KCNQ1: variants seen among roughly 807,000 people sequenced by gnomAD.
KCNQ1 encodes potassium voltage-gated channel subfamily KQT member 1.
In KCNQ1, 49 loss-of-function variants were observed where a neutral mutation model predicts 72.4. The observed-to-expected ratio is 0.68, with a 90% CI of 0.54 to 0.86. The LOEUF (loss-of-function observed/expected upper bound fraction) is 0.86, where lower values mean the gene tolerates loss of function less well. Ranked by LOEUF, KCNQ1 falls within the 40% of genes least tolerant of loss-of-function variation. The pLI is 0.00. For synonymous variants in KCNQ1, 450 were observed against 412.6 expected (o/e 1.09, Z -1.10); for missense variants, 790 against 945.1 (o/e 0.84, Z 2.15).
rs1466261235 is a variant in KCNQ1, at chr11:2,652,382, T to A, written c.1394-9579T>A. 1 of 398,546 alleles carries A rather than the reference T, an allele frequency of 2.5e-6. No individual in the cohort carries two copies. Among genetic ancestry groups the A allele is most frequent in the East Asian group, 3.6e-5 (1 of 28,092 alleles). 24.7% of individuals were successfully genotyped at this position (398,546 alleles called of 1,614,324 possible). On this transcript the variant is annotated intron_variant, in intron 10 of 15. Transcript: ENST00000155840. The surrounding 1 kb of genome is among the most constrained non-coding windows in gnomAD (Gnocchi z 5.9). ...TGAAGGTGAAAAGATCGCTCTTAAT[T>A]AGATTAAAAACATTTTTTTCTTCCT...
chr11:2,602,644 T>C lies in KCNQ1; in HGVS notation c.1393+13790T>C, dbSNP rs1351189606. On this transcript the variant is annotated intron_variant, in intron 10 of 15. Transcript: ENST00000155840. The surrounding 1 kb of genome is among the most constrained non-coding windows in gnomAD (Gnocchi z 4.8). ...CAGATAGGTGTGTAGTGAGATCTCATTGTGGTTTACATTTACATTTCCTCA... is the reference window on the plus strand; with the variant it reads ...CAGATAGGTGTGTAGTGAGATCTCACTGTGGTTTACATTTACATTTCCTCA... 2.0e-5 allele frequency among the ~76,000 whole-genome samples: 3 copies of C among 152,240 alleles called. No individual in the cohort carries two copies. Among genetic ancestry groups the C allele is most frequent in the Admixed American group, 6.5e-5 (1 of 15,292 alleles).
intron 15 of KCNQ1, among the ~76,000 whole-genome samples, chr11:2,798,782 G>A (rs576632822): frequency 5.9e-5 from 9 of 152,288 alleles, no homozygotes; most frequent in Non-Finnish European, 7.3e-5. Flanking sequence ...TAACTTAATC[G>A]TAGCAGAGAA....
In KCNQ1 at chr11:2,746,660, C is replaced by T. The variant is rs368743742; in HGVS notation, c.1515-22184C>T. ...GCACAGAGGGAAATGCCCTTCTCAT[C>T]GCCCTGTTCCGAGGGCCCATCCTGT... On this transcript the variant is annotated intron_variant, in intron 11 of 15. Transcript: ENST00000155840. This position sits in a 1 kb window ranked among gnomAD's most constrained non-coding sequence, Gnocchi z 5.9. Among the ~76,000 whole-genome samples, 41 of 152,332 alleles carry T rather than the reference C, an allele frequency of 2.7e-4. No individual in the cohort carries two copies. The highest frequency in any genetic ancestry group is 1.0e-3 in the Admixed American group (16 of 15,312).
rs1225142727 is a variant in KCNQ1 at position 2,564,748 on chromosome 11, C to A, written c.478-5880C>A. On this transcript the variant is annotated intron_variant, in intron 2 of 15. Transcript: ENST00000155840. This position sits in a 1 kb window ranked among gnomAD's most constrained non-coding sequence, Gnocchi z 4.5. ...CATTAAACACTCACTCCCTACTCCC[C>A]CTTCCCCAGCCCCTGGCGCCCATCA... is the stretch of plus-strand genomic sequence containing the variant. Among the ~76,000 whole-genome samples the A allele has an allele frequency of 6.6e-6, 1 of 152,248 alleles. No individual in the cohort carries two copies. Among genetic ancestry groups the A allele is most frequent in the Admixed American group, 6.5e-5 (1 of 15,290 alleles).
chr11:2,585,111 A>T (rs937647253), intron 7 of KCNQ1, 101 bp from the exon 8 acceptor site: 1 of 1,047,472 alleles, frequency 9.5e-7, no homozygotes, highest in Admixed American at 1.7e-5. Flanking sequence ...CACTGACCAT[A>T]CCTGGCCTTC....
At chr11:2,452,064 A>G (rs1846125703) in intron 1 of KCNQ1, among the ~76,000 whole-genome samples, 1 of 152,190 alleles carries the variant, frequency 6.6e-6, no homozygotes, top group African/African-American at 2.4e-5. Flanking sequence ...GCGTCCTGGC[A>G]GCGGGTGAGC....
In KCNQ1 at chr11:2,457,364, A is replaced by G. The variant is rs943762302; in HGVS notation, c.386+11880A>G. Among the ~76,000 whole-genome samples, 1 of 152,246 alleles carries G rather than the reference A, an allele frequency of 6.6e-6. No homozygotes were observed. The highest frequency in any genetic ancestry group is 2.4e-5 in the African/African-American group (1 of 41,470). ...ATATGCACCTAAACATTCATGGCAG[A>G]AAGACATGAGTCAACTCAGGTGCCT... On this transcript the variant is annotated intron_variant, in intron 1 of 15. Transcript: ENST00000155840. The surrounding 1 kb of genome is among the most constrained non-coding windows in gnomAD (Gnocchi z 5.0).
chr11:2,765,146 A>G (rs1846474726), intron 11 of KCNQ1, among the ~76,000 whole-genome samples: 1 of 152,096 alleles, frequency 6.6e-6, no homozygotes, highest in Non-Finnish European at 1.5e-5. Context: ...GTCTGTGCTT[A>G]TTTCACTGTA....
rs549280963 is a variant in KCNQ1, at chr11:2,609,964, T to G, written c.1393+21110T>G. On this transcript the variant is annotated intron_variant, in intron 10 of 15. Transcript: ENST00000155840. ...TGGATCCTGTTTTTCAAATCTGGTC[T>G]GATAATTCCTGCCTTTGATTAGATT... is the stretch of plus-strand genomic sequence containing the variant. 1.0e-5 allele frequency: 4 copies of G among 398,056 alleles called. No individual in the cohort carries two copies. The East Asian group carries it at 1.4e-4, about 14-fold the overall frequency. 24.7% of individuals were successfully genotyped at this position (398,056 alleles called of 1,614,324 possible). A position where few individuals can be genotyped will look rare whatever the true frequency, so the allele number is the denominator to read the frequency against.
chr11:2,700,359 T>C (rs1055662237), intron 11 of KCNQ1, among the ~76,000 whole-genome samples: 3 of 152,114 alleles, frequency 2.0e-5, no homozygotes, highest in Non-Finnish European at 4.4e-5. Flanking sequence ...GCCAGTTCTC[T>C]GCGTGATGTG....
intron 10 of KCNQ1, chr11:2,644,053 A>G (rs1055525890): frequency 1.8e-5 from 7 of 398,372 alleles, no homozygotes; most frequent in Admixed American, 4.4e-5. Flanking sequence ...GGGATGGGCA[A>G]TTTGCTATAA....
intron 11 of KCNQ1, among the ~76,000 whole-genome samples, chr11:2,740,219 G>A (rs1402798925): frequency 2.6e-5 from 4 of 152,176 alleles, no homozygotes; most frequent in Admixed American, 2.6e-4. Flanking sequence ...GCAGGAGGGA[G>A]GGTGGGGGAT....
At position 2,683,099 on chromosome 11, in the gene KCNQ1, G is replaced by A. The variant is rs541787860; in HGVS notation, c.1514+21018G>A. The stretch of plus-strand genomic sequence containing the variant: ...GGACCAGGAGCCTTCAGATTTTCTT[G>A]TTCCCAGGATATATCGCACCAACTC... On this transcript the variant is annotated intron_variant, in intron 11 of 15. Transcript: ENST00000155840. The surrounding 1 kb of genome is among the most constrained non-coding windows in gnomAD (Gnocchi z 4.7). 2.5e-6 allele frequency: 1 copy of A among 395,304 alleles called. No homozygotes were observed. The highest frequency in any genetic ancestry group is 2.1e-5 in the African/African-American group (1 of 47,138). 24.5% of individuals were successfully genotyped at this position (395,304 alleles called of 1,614,324 possible). A position where few individuals can be genotyped will look rare whatever the true frequency, so the allele number is the denominator to read the frequency against.
intron 10 of KCNQ1, among the ~76,000 whole-genome samples, chr11:2,606,390 G>A (rs1391701740): frequency 1.3e-5 from 2 of 152,142 alleles, no homozygotes; most frequent in African/African-American, 2.4e-5. Flanking sequence ...CTGGATCATG[G>A]ACGGAGCCCT....
Position 2,464,198 on chromosome 11 carries a change from G to T in KCNQ1, c.386+18714G>T, listed in dbSNP as rs1005547461. Among the ~76,000 whole-genome samples the T allele has an allele frequency of 6.6e-6, 1 of 152,162 alleles. No individual in the cohort carries two copies. Among genetic ancestry groups the T allele is most frequent in the African/African-American group, 2.4e-5 (1 of 41,430 alleles). ...GTGGGCCGCAGGCGCTCCCTGGGCC[G>T]GAACACATGGACGTCCAGGTGTGGA... On this transcript the variant is annotated intron_variant, in intron 1 of 15. Transcript: ENST00000155840. This position sits in a 1 kb window ranked among gnomAD's most constrained non-coding sequence, Gnocchi z 5.0.
intron 11 of KCNQ1, chr11:2,665,524 C>G: frequency 2.5e-6 from 1 of 393,762 alleles, no homozygotes; most frequent in Non-Finnish European, 4.4e-6. Context: ...AACCTGCCAT[C>G]TAGAATGCCC....
chr11:2,515,581 G>T lies in KCNQ1; in HGVS notation c.387-12347G>T, dbSNP rs974204943. On this transcript the variant is annotated intron_variant, in intron 1 of 15. Transcript: ENST00000155840. This position sits in a 1 kb window ranked among gnomAD's most constrained non-coding sequence, Gnocchi z 4.7. ...CCCAGGCAGAGCCTCGCCATTTCTG[G>T]GGTGGGGGGTGCACAGGTGCATCTG... 7.2e-5 allele frequency among the ~76,000 whole-genome samples: 11 copies of T among 152,108 alleles called. No individual in the cohort carries two copies. Among genetic ancestry groups the T allele is most frequent in the African/African-American group, 2.7e-4 (11 of 41,422 alleles).
chr11:2,582,283 C>A (rs182075507), intron 6 of KCNQ1, among the ~76,000 whole-genome samples: 1 of 152,332 alleles, frequency 6.6e-6, no homozygotes, highest in East Asian at 1.9e-4. Context: ...CTTCTCCCCA[C>A]CCTCCCTCCT....
rs1849140522 is a variant in KCNQ1 at position 2,620,088 on chromosome 11, A to G, written c.1393+31234A>G. The G allele has an allele frequency of 7.5e-6, 3 of 398,130 alleles. No homozygotes were observed. In the South Asian group the frequency reaches 3.8e-4, roughly 51 times the overall value. 24.7% of individuals were successfully genotyped at this position (398,130 alleles called of 1,614,324 possible). The stretch of plus-strand genomic sequence containing the variant: ...CATGTTTACTCAGTGTTTAGGTCCC[A>G]CTTGCAAGTGGTAACATGCAGTATT... On this transcript the variant is annotated intron_variant, in intron 10 of 15. Coordinates refer to ENST00000155840, the MANE Select transcript of KCNQ1 (RefSeq NM_000218.3). The surrounding 1 kb of genome is among the most constrained non-coding windows in gnomAD (Gnocchi z 4.5).
Sources: gnomAD v4.1 joint callset for allele counts (sites outside exome capture counted in the v4.1 genomes callset) on GRCh38, gnomAD v4.1.1 for gene constraint, Gnocchi (gnomAD v3.1) non-coding constraint, MANE v1.5 for transcripts, NCBI Gene and HGNC (gene_info 2026-07-23, HGNC 2026-07-21) for gene names.